IGSF1: variants seen among roughly 807,000 people sequenced by gnomAD.
IGSF1 encodes the protein immunoglobulin-like domain-containing protein 1.
In IGSF1, 40 loss-of-function variants were observed where a neutral mutation model predicts 95.3. That is an observed-to-expected ratio of 0.42 (90% confidence interval 0.33 to 0.55). The LOEUF (loss-of-function observed/expected upper bound fraction) is 0.55. Among genes scored for constraint, IGSF1 ranks in the 20% least tolerant of loss-of-function variants. The probability of loss-of-function intolerance (pLI) is 0.10; values close to 1 mark genes in which losing one functional copy is unlikely to be tolerated. For missense variants in IGSF1, 906 were observed against 1,025.4 expected, an observed-to-expected ratio of 0.88 and a Z score of 1.59; for synonymous variants, 372 against 382.9, an observed-to-expected ratio of 0.97 and a Z score of 0.33.
At chrX:131,279,785 T>C (rs1270481221) in intron 9 of IGSF1, among the ~76,000 whole-genome samples, 1 of 111,845 alleles carries the variant, frequency 8.9e-6, no homozygotes, top group Admixed American at 9.5e-5. Flanking sequence ...TCGGAAGCAG[T>C]TGTTGTGGCA....
chrX:131,278,843 C>T, intron 11 of IGSF1, 92 bp from the exon 12 acceptor site: 1 of 849,276 alleles, frequency 1.2e-6, no homozygotes, highest in Non-Finnish European at 1.7e-6. Flanking sequence ...TCACACTGCC[C>T]ACCTCCCCTT....
chrX:131,274,868 G>C lies in IGSF1; in HGVS notation c.3482C>G (p.Pro1161Arg). 1 of 1,210,730 alleles carries C rather than the reference G, an allele frequency of 8.3e-7. No individual in the cohort carries two copies. Among genetic ancestry groups the C allele is most frequent in the Non-Finnish European group, 1.1e-6 (1 of 894,942 alleles). The change falls in exon 18 of 20, where the codon CCT becomes CGT. Residue 1161 changes from proline (P) to arginine (R), a missense_variant. Around this residue, in one of 5 missense-constraint regions of IGSF1, gnomAD observed 411 missense variants for 494.9 expected, o/e 0.83. Coordinates refer to ENST00000361420, the MANE Select transcript of IGSF1 (RefSeq NM_001555.5). ...SLEIWVTDKP[P>R]KPSLSAWPST... is the part of the protein sequence containing the mutation. ...GGGCCAGGCTGACAGAGAGGGTTTA[G>C]GGGGCTTATCTGCAACCAACAAGGA...
At chrX:131,286,778 C>T in intron 1 of IGSF1, 37 bp from the exon 2 acceptor site, 2 of 671,872 alleles carry the variant, frequency 3.0e-6, no homozygotes, top group South Asian at 7.1e-5. Flanking sequence ...AGGACTTGTC[C>T]TGCTCCTTAA....
At position 131,274,647 on chromosome X, in the gene IGSF1, C is replaced by G. The variant is rs1173099609; in HGVS notation, c.3703G>C (p.Asp1235His). 1.7e-6 allele frequency: 2 copies of G among 1,211,816 alleles called. No homozygotes were observed. The highest frequency in any genetic ancestry group is 1.1e-6 in the Non-Finnish European group (1 of 895,291). Residue 1235 changes from aspartate (D) to histidine (H), a missense_variant, in exon 18 of 20, where the codon GAT becomes CAT. By Grantham distance (81) the Asp-to-His change is moderately conservative (BLOSUM62 -1). Transcript: ENST00000361420. Reference sequence around the variant, plus strand: ...GGATCACTAGGCTCTGACCAGATATCAGGGTAGGCCTGGAGGCGGTAGCTG... The same window carrying G: ...GGATCACTAGGCTCTGACCAGATATGAGGGTAGGCCTGGAGGCGGTAGCTG... ...SCSYRLQAYP[D>H]IWSEPSDPLE... is the part of the protein sequence containing the mutation.
intron 9 of IGSF1, among the ~76,000 whole-genome samples, chrX:131,279,901 T>A (rs2080531385): frequency 8.9e-6 from 1 of 112,063 alleles, no homozygotes; most frequent in African/African-American, 3.3e-5. Flanking sequence ...GCCAAGCTTT[T>A]CAGAGAGTAG....
intron 5 of IGSF1, chrX:131,284,943 C>T (rs1238830573): frequency 1.4e-6 from 1 of 726,769 alleles, no homozygotes; most frequent in Non-Finnish European, 1.8e-6. Flanking sequence ...TGAGCTGAAG[C>T]TGCTGGCCAG....
At chrX:131,286,194 T>C in intron 3 of IGSF1, 146 bp from the exon 4 acceptor site, 2 of 557,377 alleles carry the variant, frequency 3.6e-6, no homozygotes, top group African/African-American at 4.6e-5. Context: ...CTGTGGGGCA[T>C]CGTATAAGAA....
At chrX:131,281,547 G>C in intron 8 of IGSF1, 119 bp downstream of exon 8, 1 of 924,294 alleles carries the variant, frequency 1.1e-6, no homozygotes, top group Non-Finnish European at 1.5e-6. Flanking sequence ...GGGGAAGGGT[G>C]CTGAAACCCA....
chrX:131,282,204 G>T (rs1330716280), intron 7 of IGSF1, among the ~76,000 whole-genome samples: 1 of 111,033 alleles, frequency 9.0e-6, no homozygotes, highest in Non-Finnish European at 1.9e-5. Flanking sequence ...TTTTCCCAGG[G>T]GTTACAATGG....
At chrX:131,279,426 C>G (rs1022559992) in intron 9 of IGSF1, 85 bp from the exon 10 acceptor site, 1 of 726,250 alleles carries the variant, frequency 1.4e-6, no homozygotes, top group Non-Finnish European at 2.2e-6. Flanking sequence ...ATGTCATTGG[C>G]TTACTCGCTA....
intron 14 of IGSF1, among the ~76,000 whole-genome samples, chrX:131,276,721 A>G (rs913766146): frequency 1.8e-5 from 2 of 111,968 alleles, no homozygotes; most frequent in Non-Finnish European, 3.8e-5. Context: ...TTATTTCCCC[A>G]GAAGTGAATT....
chrX:131,282,767 A>C (rs750217670), intron 6 of IGSF1, 30 bp from the exon 7 acceptor site: 2 of 1,144,645 alleles, frequency 1.7e-6, no homozygotes, highest in Non-Finnish European at 2.4e-6. Flanking sequence ...AAAAAGCACT[A>C]GTGATTTCAC....
Position 131,273,859 on chromosome X carries a change from G to A in IGSF1, c.3948C>T (p.Thr1316=). The A allele has an allele frequency of 8.3e-7, 1 of 1,207,978 alleles. No individual in the cohort carries two copies. Among genetic ancestry groups the A allele is most frequent in the Non-Finnish European group, 1.1e-6 (1 of 892,140 alleles). ...AGGTTGATGAAGGAGAATTGGCAGG[G>A]GTGCCTGGTTCTCCTTCTTGGTTAC... ...EECNQEGEPG[T]PANSPSSTSQ... The change falls in exon 20 of 20, where the codon ACC becomes ACT. Residue 1316 remains threonine (T), a synonymous_variant. Coordinates refer to ENST00000361420, the MANE Select transcript of IGSF1 (RefSeq NM_001555.5).
Position 131,277,330 on chromosome X carries a change from G to A in IGSF1, c.2321-104C>T, listed in dbSNP as rs925209114. On this transcript the variant is annotated intron_variant, in intron 13 of 19. Transcript: ENST00000361420. ...GCAAATATAGCAAATATTGGTTCTC[G>A]GAGGCTTCTTTGCTTTTAAGTAAGT... 16 of 811,888 alleles carry A rather than the reference G, an allele frequency of 2.0e-5. No homozygotes were observed. The Admixed American group carries it at 2.3e-4, about 11-fold the overall frequency. 66.9% of individuals were successfully genotyped at this position (811,888 alleles called of 1,213,427 possible). A position where few individuals can be genotyped will look rare whatever the true frequency, so the allele number is the denominator to read the frequency against.
intron 1 of IGSF1, chrX:131,288,955 G>A (rs2124150698): frequency 8.2e-6 from 2 of 244,001 alleles, no homozygotes; most frequent in South Asian, 8.5e-5. Context: ...TACATGCTCA[G>A]CTGAGGGTTT....
At chrX:131,279,082 C>T in intron 11 of IGSF1, 61 bp downstream of exon 11, 1 of 1,085,037 alleles carries the variant, frequency 9.2e-7, no homozygotes, top group Non-Finnish European at 1.3e-6. Flanking sequence ...GACACTGACG[C>T]TCTGTAGTTA....
intron 1 of IGSF1, among the ~76,000 whole-genome samples, chrX:131,288,394 C>G (rs898942938): frequency 1.3e-4 from 15 of 111,748 alleles, no homozygotes; most frequent in Non-Finnish European, 3.8e-5. Context: ...CCTCTCAGGG[C>G]CAGGCCAAAG....
At chrX:131,276,289 T>G in intron 14 of IGSF1, 41 bp from the exon 15 acceptor site, 1 of 1,087,227 alleles carries the variant, frequency 9.2e-7, no homozygotes, top group Admixed American at 2.8e-5. Flanking sequence ...AACCCAGCCC[T>G]CACATCCTGC....
At chrX:131,286,388 T>C (rs769631108) in intron 3 of IGSF1, 49 bp downstream of exon 3, 1 of 1,055,314 alleles carries the variant, frequency 9.5e-7, no homozygotes, top group Non-Finnish European at 1.3e-6. Flanking sequence ...CACGCCAGCA[T>C]CTTGGATCCT....
Sources: gnomAD v4.1 joint callset for allele counts (sites outside exome capture counted in the v4.1 genomes callset) on GRCh38, gnomAD v4.1.1 for gene constraint, gnomAD v4.1.1 regional missense constraint, MANE v1.5 for transcripts, NCBI Gene and HGNC (gene_info 2026-07-23, HGNC 2026-07-21) for gene names.